LYPD6: variants seen among roughly 807,000 people sequenced by gnomAD.
LYPD6 encodes ly6/PLAUR domain-containing protein 6.
In LYPD6, 15 loss-of-function variants were observed where a neutral mutation model predicts 22.7. The ratio of observed to expected loss-of-function variants is 0.66; its 90% CI spans 0.44 to 1.02. The LOEUF (loss-of-function observed/expected upper bound fraction) is 1.02, where lower values mean the gene tolerates loss of function less well. LYPD6 is among the 50% of genes least tolerant of loss of function. The pLI, the probability that LYPD6 is intolerant of heterozygous loss-of-function variation, is 0.00. For synonymous variants in LYPD6, 72 were observed against 77.5 expected (o/e 0.93, Z 0.37); for missense variants, 189 against 208.4 (o/e 0.91, Z 0.57).
intron 1 of LYPD6, among the ~76,000 whole-genome samples, chr2:149,354,599 T>G (rs1559122245): frequency 6.6e-6 from 1 of 152,150 alleles, no homozygotes; most frequent in Admixed American, 6.5e-5. Flanking sequence ...TACAGCAGCT[T>G]TCTATGGCCC....
chr2:149,347,824 A>G (rs898109605), intron 1 of LYPD6, among the ~76,000 whole-genome samples: 1 of 152,180 alleles, frequency 6.6e-6, no homozygotes, highest in Non-Finnish European at 1.5e-5. Context: ...AACATGTCCA[A>G]CTATTTAAAT....
intron 1 of LYPD6, among the ~76,000 whole-genome samples, chr2:149,357,785 CT>C (rs530498136): frequency 0.059 from 7,512 of 127,298 alleles, 566 homozygotes; most frequent in African/African-American, 0.19. Flanking sequence ...CTTTTCTTTG[CT>C]TTTTTTTTTT....
chr2:149,335,373 A>G (rs1681016047), intron 1 of LYPD6, among the ~76,000 whole-genome samples: 1 of 152,204 alleles, frequency 6.6e-6, no homozygotes, highest in Non-Finnish European at 1.5e-5. Context: ...ATTTTAAAAC[A>G]TGTTTTCATT....
At chr2:149,435,876 A>T (rs921819621) in intron 1 of LYPD6, among the ~76,000 whole-genome samples, 1 of 152,238 alleles carries the variant, frequency 6.6e-6, no homozygotes, top group African/African-American at 2.4e-5. Context: ...GTTGTCTAAC[A>T]ATTTGCCAAT....
At chr2:149,353,337 A>G (rs940642341) in intron 1 of LYPD6, among the ~76,000 whole-genome samples, 4 of 152,208 alleles carry the variant, frequency 2.6e-5, no homozygotes, top group African/African-American at 9.7e-5. Flanking sequence ...CGAAAACCTC[A>G]CTGTATTTGT....
At chr2:149,357,852 T>C (rs551122354) in intron 1 of LYPD6, among the ~76,000 whole-genome samples, 8 of 151,680 alleles carry the variant, frequency 5.3e-5, no homozygotes, top group African/African-American at 1.9e-4. Flanking sequence ...GTGGCACAAT[T>C]TCGGCTCATT....
intron 1 of LYPD6, among the ~76,000 whole-genome samples, chr2:149,359,354 T>C (rs1027253366): frequency 6.6e-6 from 1 of 152,206 alleles, no homozygotes; most frequent in Non-Finnish European, 1.5e-5. Context: ...ATTGCTAGTG[T>C]CTTTAGCTTC....
intron 3 of LYPD6, among the ~76,000 whole-genome samples, chr2:149,458,026 G>C (rs1274920452): frequency 6.6e-6 from 1 of 152,190 alleles, no homozygotes; most frequent in Non-Finnish European, 1.5e-5. Flanking sequence ...GGGAAGCCTA[G>C]AAAGATAACT....
intron 1 of LYPD6, among the ~76,000 whole-genome samples, chr2:149,347,117 G>T (rs1290708776): frequency 6.6e-6 from 1 of 152,084 alleles, no homozygotes; most frequent in Non-Finnish European, 1.5e-5. Context: ...TCTTACATGG[G>T]GTGGGGTTGG....
chr2:149,432,223 C>G (rs1206806338), intron 1 of LYPD6, among the ~76,000 whole-genome samples: 1 of 152,182 alleles, frequency 6.6e-6, no homozygotes, highest in Admixed American at 6.5e-5. Flanking sequence ...CGTAAGACCA[C>G]AAGACCCAGC....
chr2:149,402,999 T>C (rs1265843586), intron 1 of LYPD6, among the ~76,000 whole-genome samples: 1 of 151,890 alleles, frequency 6.6e-6, no homozygotes, highest in Non-Finnish European at 1.5e-5. Flanking sequence ...TTTGTCCTTA[T>C]GATAGTTTAC....
intron 3 of LYPD6, among the ~76,000 whole-genome samples, chr2:149,466,041 C>G (rs541337625): frequency 6.6e-6 from 1 of 152,004 alleles, no homozygotes; most frequent in Non-Finnish European, 1.5e-5. Context: ...CATTACTAAC[C>G]CAAGGAGTTT....
At chr2:149,476,775 G>A (rs185124015), downstream of LYPD6, among the ~76,000 whole-genome samples, 80 of 152,264 alleles carry the variant, frequency 5.3e-4, no homozygotes, top group African/African-American at 1.9e-3. Context: ...ATTTGCACCC[G>A]GAGTCTGAGC....
At chr2:149,366,126 T>C (rs1247407212) in intron 1 of LYPD6, among the ~76,000 whole-genome samples, 1 of 152,238 alleles carries the variant, frequency 6.6e-6, no homozygotes, top group East Asian at 1.9e-4. Flanking sequence ...TGCTTTTGTT[T>C]TCCATATATT....
chr2:149,429,107 C>T (rs978184370), intron 1 of LYPD6, among the ~76,000 whole-genome samples: 3 of 152,128 alleles, frequency 2.0e-5, no homozygotes, highest in Non-Finnish European at 4.4e-5. Context: ...CTCCCACATT[C>T]TCATACCTTG....
intron 1 of LYPD6, among the ~76,000 whole-genome samples, chr2:149,334,755 G>A (rs1051733240): frequency 2.8e-5 from 4 of 143,474 alleles, no homozygotes; most frequent in Admixed American, 6.9e-5. Context: ...AGCAAGTAAC[G>A]ATTTTTTTTT....
chr2:149,418,735 G>A (rs1683018014), intron 1 of LYPD6, among the ~76,000 whole-genome samples: 1 of 152,178 alleles, frequency 6.6e-6, no homozygotes, highest in Non-Finnish European at 1.5e-5. Flanking sequence ...AGGTTTCAAT[G>A]TTTGCTTCCT....
intron 1 of LYPD6, among the ~76,000 whole-genome samples, chr2:149,414,763 A>T (rs1682925746): frequency 6.6e-6 from 1 of 152,200 alleles, no homozygotes; most frequent in Admixed American, 6.5e-5. Flanking sequence ...AACTGAAAGG[A>T]CAAAATCCAA....
intron 1 of LYPD6, among the ~76,000 whole-genome samples, chr2:149,377,995 A>G (rs924232735): frequency 2.0e-5 from 3 of 152,070 alleles, no homozygotes; most frequent in South Asian, 2.1e-4. Flanking sequence ...GTTCCTATCT[A>G]TATATTGTCT....
Sources: allele counts gnomAD v4.1 joint callset (sites outside exome capture counted in the v4.1 genomes callset), GRCh38; gene constraint gnomAD v4.1.1; transcripts MANE v1.5; gene names NCBI Gene and HGNC (gene_info 2026-07-23, HGNC 2026-07-21).